The following LRRC7 variants were observed in gnomAD, a reference collection of about 807,000 sequenced individuals.
LRRC7 encodes the protein leucine rich repeat containing 7.
LRRC7 carries 23 observed loss-of-function variants against 175.7 expected under a neutral mutation model. That is an observed-to-expected ratio of 0.13 (90% CI 0.09 to 0.19). LRRC7 has a LOEUF of 0.19. LRRC7 is among the 10% of genes least tolerant of loss of function. The probability of loss-of-function intolerance (pLI) is 1.00; values close to 1 mark genes in which losing one functional copy is unlikely to be tolerated. For synonymous variants in LRRC7, 685 were observed against 680.9 expected, an observed-to-expected ratio of 1.01 and a Z score of -0.09; for missense variants, 1,354 against 1,904.7, an observed-to-expected ratio of 0.71 and a Z score of 5.38.
At chr1:70,073,425 C>T (rs777282038) in intron 23 of LRRC7, among the ~76,000 whole-genome samples, 1 of 151,874 alleles carries the variant, frequency 6.6e-6, no homozygotes, top group Non-Finnish European at 1.5e-5. Flanking sequence ...TACTCCAGCC[C>T]GGGCGACAGA....
intron 6 of LRRC7, among the ~76,000 whole-genome samples, chr1:69,835,674 T>C (rs1245058458): frequency 6.6e-6 from 1 of 152,040 alleles, no homozygotes; most frequent in Non-Finnish European, 1.5e-5. Context: ...GAATCATTTC[T>C]AGAAATGTCT....
intron 1 of LRRC7, among the ~76,000 whole-genome samples, chr1:69,623,033 G>C (rs1650888170): frequency 6.6e-6 from 1 of 152,148 alleles, no homozygotes; most frequent in Non-Finnish European, 1.5e-5. Flanking sequence ...GAGTATCCCT[G>C]TAAATCAGAG....
rs60880306 is a variant in LRRC7 at position 70,064,639 on chromosome 1, TTTGTTG to T, written c.4231-11411_4231-11406del. ...AGTACTTTTTGGCACTGCTTGGTAT[TTTGTTG>T]TTGTTGTTGTTGTTGTTGTTGTTGT... On this transcript the variant is annotated intron_variant, in intron 23 of 26. Transcript: ENST00000651989. Among the ~76,000 whole-genome samples the T allele has an allele frequency of 3.8e-3, 572 of 151,110 alleles. 4 individuals are homozygous for T. Among genetic ancestry groups the T allele is most frequent in the African/African-American group, 0.012 (499 of 41,172 alleles).
intron 1 of LRRC7, among the ~76,000 whole-genome samples, chr1:69,569,812 C>G (rs1282908867): frequency 6.7e-6 from 1 of 148,408 alleles, no homozygotes. Context: ...AGAGAAGAGA[C>G]GGGGTCACTT....
At chr1:70,021,186 T>G in intron 16 of LRRC7, 57 bp downstream of exon 16, 1 of 1,555,836 alleles carries the variant, frequency 6.4e-7, no homozygotes, top group Non-Finnish European at 8.8e-7. Context: ...GTTTGTCCGT[T>G]TTTCTTATTC....
intron 1 of LRRC7, among the ~76,000 whole-genome samples, chr1:69,641,906 C>A (rs1020952919): frequency 6.6e-6 from 1 of 151,588 alleles, no homozygotes; most frequent in Non-Finnish European, 1.5e-5. Flanking sequence ...TTATTAGTTA[C>A]CTCGTTTTAA....
chr1:70,033,037 C>A (rs376619627), intron 18 of LRRC7, among the ~76,000 whole-genome samples: 2 of 152,180 alleles, frequency 1.3e-5, no homozygotes, highest in Admixed American at 1.3e-4. Flanking sequence ...TTCCTCTAGC[C>A]TCTATAAAAG....
intron 7 of LRRC7, among the ~76,000 whole-genome samples, chr1:69,842,536 CACTG>C (rs1480754810): frequency 6.6e-6 from 1 of 152,144 alleles, no homozygotes; most frequent in Non-Finnish European, 1.5e-5. Context: ...CTGTCATATA[CACTG>C]ACTAAGAGAG....
At chr1:69,865,210 T>G (rs1269638096) in intron 7 of LRRC7, among the ~76,000 whole-genome samples, 1 of 152,096 alleles carries the variant, frequency 6.6e-6, no homozygotes, top group East Asian at 1.9e-4. Flanking sequence ...ATATCAGCGA[T>G]GGTTCCAGTA....
At chr1:70,082,781 ATTTTTTTTTTTTTT>A (rs1172403797) in intron 24 of LRRC7, among the ~76,000 whole-genome samples, 7 of 52,308 alleles carry the variant, frequency 1.3e-4, no homozygotes, top group South Asian at 8.4e-4. Flanking sequence ...ATACCAGTAC[ATTTTTTTTTTTTTT>A]TTTTTTTTTT....
At chr1:69,971,535 A>G (rs1652236989) in intron 8 of LRRC7, among the ~76,000 whole-genome samples, 1 of 152,176 alleles carries the variant, frequency 6.6e-6, no homozygotes, top group Non-Finnish European at 1.5e-5. Context: ...GCTGCAAACA[A>G]ACAAAATACT....
At chr1:69,741,278 C>T (rs1182155229) in intron 2 of LRRC7, among the ~76,000 whole-genome samples, 1 of 151,910 alleles carries the variant, frequency 6.6e-6, no homozygotes, top group Non-Finnish European at 1.5e-5. Flanking sequence ...TGGCATGGAG[C>T]ATTCCTATAC....
At chr1:70,050,461 A>G (rs181349360) in intron 22 of LRRC7, among the ~76,000 whole-genome samples, 1 of 152,222 alleles carries the variant, frequency 6.6e-6, no homozygotes, top group Admixed American at 6.5e-5. Flanking sequence ...TTAGAAGCTA[A>G]GGAAATAGTG....
chr1:69,777,502 C>T (rs768737562), intron 3 of LRRC7, among the ~76,000 whole-genome samples: 13 of 152,168 alleles, frequency 8.5e-5, no homozygotes, highest in Non-Finnish European at 1.5e-4. Context: ...CACAAAGCTA[C>T]GATGCCAGCT....
At chr1:69,940,656 G>A (rs1648613359) in intron 8 of LRRC7, among the ~76,000 whole-genome samples, 1 of 151,820 alleles carries the variant, frequency 6.6e-6, no homozygotes, top group Non-Finnish European at 1.5e-5. Flanking sequence ...GACTTTACAA[G>A]GAAAATAAAA....
At chr1:70,077,147 A>C (rs1662841118) in intron 24 of LRRC7, among the ~76,000 whole-genome samples, 1 of 152,192 alleles carries the variant, frequency 6.6e-6, no homozygotes, top group Admixed American at 6.5e-5. Flanking sequence ...CTTTCTAAAC[A>C]TATCAAAATT....
chr1:69,684,233 C>T (rs1372174330), intron 2 of LRRC7, among the ~76,000 whole-genome samples: 1 of 152,088 alleles, frequency 6.6e-6, no homozygotes, highest in Non-Finnish European at 1.5e-5. Context: ...TAACACATGA[C>T]ATATTGCCTG....
Position 70,136,043 on chromosome 1 carries a change from C to A in LRRC7, c.*14156C>A, listed in dbSNP as rs75583653. 0.03 allele frequency among the ~76,000 whole-genome samples: 4,023 copies of A among 135,380 alleles called. 194 individuals are homozygous for A. Among genetic ancestry groups the A allele is most frequent in the African/African-American group, 0.11 (3,764 of 35,732 alleles). The allele number at this position is 135,380 out of a possible 152,430, so 88.8% of individuals were successfully genotyped here. A position where few individuals can be genotyped will look rare whatever the true frequency, so the allele number is the denominator to read the frequency against. ...GAAATTCAAACTTGGGAATTAATATCTCTCTCTCTCTGTGTGTGTCTGTGT... is the reference window on the plus strand; with the variant it reads ...GAAATTCAAACTTGGGAATTAATATATCTCTCTCTCTGTGTGTGTCTGTGT... On this transcript the variant is annotated 3_prime_UTR_variant, in exon 27 of 27. Transcript: ENST00000651989.
chr1:69,785,526 C>G (rs1351078002), intron 3 of LRRC7, among the ~76,000 whole-genome samples: 1 of 151,990 alleles, frequency 6.6e-6, no homozygotes, highest in African/African-American at 2.4e-5. Flanking sequence ...ATGTATTTCA[C>G]TCTATTCTGT....
Sources: gnomAD v4.1 joint callset for allele counts (sites outside exome capture counted in the v4.1 genomes callset) on GRCh38, gnomAD v4.1.1 for gene constraint, MANE v1.5 for transcripts, NCBI Gene and HGNC (gene_info 2026-07-23, HGNC 2026-07-21) for gene names.